FARS2: variants seen among roughly 807,000 people sequenced by gnomAD.
FARS2 encodes the protein phenylalanine--tRNA ligase, mitochondrial.
In FARS2, 40 loss-of-function variants were observed where a neutral mutation model predicts 46.4. That is an observed-to-expected ratio of 0.86 (90% CI 0.67 to 1.12). The LOEUF is 1.12. FARS2 is among the 50% of genes most tolerant of loss of function. FARS2 has a pLI of 0.00. For missense variants in FARS2, 513 were observed against 567.9 expected, an observed-to-expected ratio of 0.90 and a Z score of 0.98; for synonymous variants, 234 against 214.9, an observed-to-expected ratio of 1.09 and a Z score of -0.78.
At chr6:5,735,898 T>A (rs80248483) in intron 6 of FARS2, among the ~76,000 whole-genome samples, 7,914 of 152,272 alleles carry the variant, frequency 0.052, 681 homozygotes, top group African/African-American at 0.18. Flanking sequence ...GCTCTTCTTT[T>A]AGGAAACTGT....
chr6:5,481,868 C>T (rs1023205582), intron 4 of FARS2, among the ~76,000 whole-genome samples: 3 of 152,124 alleles, frequency 2.0e-5, no homozygotes, highest in Non-Finnish European at 4.4e-5. Context: ...TATTTTCACA[C>T]GTGGAGACGC....
chr6:5,600,665 T>G (rs1374622617), intron 5 of FARS2, among the ~76,000 whole-genome samples: 1 of 152,136 alleles, frequency 6.6e-6, no homozygotes. Context: ...TTAAGTGAAT[T>G]TAGATAAGAA....
At position 5,557,032 on chromosome 6, in the gene FARS2, T is replaced by G. The variant is rs575960413; in HGVS notation, c.1065+11692T>G. Among the ~76,000 whole-genome samples the G allele has an allele frequency of 2.0e-5, 3 of 152,136 alleles. No homozygotes were observed. In the East Asian group the frequency reaches 5.8e-4, roughly 29 times the overall value. On this transcript the variant is annotated intron_variant, in intron 5 of 6. Coordinates refer to ENST00000274680, the MANE Select transcript of FARS2 (RefSeq NM_006567.5). The stretch of plus-strand genomic sequence containing the variant: ...ATTTAATAGTTGGTGGATTATAGAG[T>G]TAAAAAGTTACAGTTGTAGAAAGAG...
chr6:5,625,363 CAG>C (rs544770547), intron 6 of FARS2, among the ~76,000 whole-genome samples: 2 of 152,182 alleles, frequency 1.3e-5, no homozygotes, highest in South Asian at 2.1e-4. Context: ...GCGACTGACA[CAG>C]GGGTGCAGGC....
At chr6:5,637,347 C>T (rs1776593595) in intron 6 of FARS2, among the ~76,000 whole-genome samples, 1 of 152,236 alleles carries the variant, frequency 6.6e-6, no homozygotes, top group African/African-American at 2.4e-5. Context: ...GGATCACAGG[C>T]TCTAGCACCA....
chr6:5,399,391 G>GTC (rs2127709679), intron 2 of FARS2, among the ~76,000 whole-genome samples: 1 of 152,110 alleles, frequency 6.6e-6, no homozygotes, highest in African/African-American at 2.4e-5. Flanking sequence ...GGCCAGGCTG[G>GTC]TCTTGAACTC....
chr6:5,676,827 G>T (rs1417450146), intron 6 of FARS2, among the ~76,000 whole-genome samples: 1 of 152,100 alleles, frequency 6.6e-6, no homozygotes, highest in Non-Finnish European at 1.5e-5. Flanking sequence ...TCTCATTCTG[G>T]TATTGTCCTG....
chr6:5,570,797 C>CA (rs78441096), intron 5 of FARS2, among the ~76,000 whole-genome samples: 4 of 151,946 alleles, frequency 2.6e-5, no homozygotes, highest in East Asian at 1.9e-4. Flanking sequence ...CCTCTGGAAA[C>CA]GGGGGTAATC....
At chr6:5,710,371 A>G (rs12525625) in intron 6 of FARS2, among the ~76,000 whole-genome samples, 9 of 152,218 alleles carry the variant, frequency 5.9e-5, no homozygotes, top group African/African-American at 2.2e-4. Flanking sequence ...GTTGGAGTCA[A>G]TTAGAAGTTC....
chr6:5,756,993 C>G (rs1762240853), intron 6 of FARS2, among the ~76,000 whole-genome samples: 1 of 152,152 alleles, frequency 6.6e-6, no homozygotes, highest in Admixed American at 6.6e-5. Flanking sequence ...CAAGGCATGA[C>G]AGTGTTTCAC....
intron 6 of FARS2, among the ~76,000 whole-genome samples, chr6:5,668,288 C>A (rs1418968041): frequency 2.0e-5 from 3 of 152,232 alleles, no homozygotes; most frequent in African/African-American, 7.2e-5. Flanking sequence ...TAAGCAGCCA[C>A]ATGAGCAAAT....
At chr6:5,739,607 C>G (rs1329390413) in intron 6 of FARS2, among the ~76,000 whole-genome samples, 2 of 152,220 alleles carry the variant, frequency 1.3e-5, no homozygotes, top group Non-Finnish European at 2.9e-5. Context: ...GTCTACAAGA[C>G]AGATGTATGT....
At chr6:5,529,915 A>G (rs1769717294) in intron 4 of FARS2, among the ~76,000 whole-genome samples, 1 of 152,194 alleles carries the variant, frequency 6.6e-6, no homozygotes, top group Admixed American at 6.5e-5. Context: ...GATGTAAGAG[A>G]ACCAAACTGC....
intron 5 of FARS2, among the ~76,000 whole-genome samples, chr6:5,587,082 AC>A (rs1170290845): frequency 6.6e-6 from 1 of 152,170 alleles, no homozygotes; most frequent in Non-Finnish European, 1.5e-5. Flanking sequence ...ATATCTGGCA[AC>A]CCTTAAAGAT....
At chr6:5,717,921 T>TAGAGAGAGAGAGAGAG in intron 6 of FARS2, among the ~76,000 whole-genome samples, 1 of 30,518 alleles carries the variant, frequency 3.3e-5, no homozygotes, top group African/African-American at 2.8e-4. Context: ...TATATATATA[T>TAGAGAGAGAGAGAGAG]ATATATATAT....
chr6:5,444,466 C>T (rs1173411369), intron 4 of FARS2, among the ~76,000 whole-genome samples: 7 of 91,496 alleles, frequency 7.7e-5, no homozygotes, highest in Admixed American at 3.0e-4. Flanking sequence ...GACTCTGTCT[C>T]AAAAAAAAAA....
intron 6 of FARS2, among the ~76,000 whole-genome samples, chr6:5,760,797 G>C (rs1762440791): frequency 6.6e-6 from 1 of 152,206 alleles, no homozygotes; most frequent in Non-Finnish European, 1.5e-5. Context: ...ATGTGCCAAA[G>C]TCATGTCCCA....
At chr6:5,426,046 T>G (rs1762832244) in intron 3 of FARS2, among the ~76,000 whole-genome samples, 1 of 152,156 alleles carries the variant, frequency 6.6e-6, no homozygotes, top group Admixed American at 6.5e-5. Context: ...AAGTATACTT[T>G]CTTTTATGTG....
At chr6:5,647,371 G>A (rs929676197) in intron 6 of FARS2, among the ~76,000 whole-genome samples, 2 of 152,154 alleles carry the variant, frequency 1.3e-5, no homozygotes, top group Non-Finnish European at 2.9e-5. Context: ...AGGTGAGAAG[G>A]AAGACATGGA....
Sources: gnomAD v4.1 joint callset for allele counts (sites outside exome capture counted in the v4.1 genomes callset) on GRCh38, gnomAD v4.1.1 for gene constraint, MANE v1.5 for transcripts, NCBI Gene and HGNC (gene_info 2026-07-23, HGNC 2026-07-21) for gene names.